The following PTPRD variants were observed in gnomAD, a reference collection of about 807,000 sequenced individuals.
PTPRD encodes protein tyrosine phosphatase receptor type D.
PTPRD carries 34 observed loss-of-function variants against 214.5 expected under a neutral mutation model. The observed-to-expected ratio is 0.16, with a 90% CI of 0.12 to 0.21. The LOEUF is 0.21. Ranked by LOEUF, PTPRD falls within the 10% of genes least tolerant of loss-of-function variation. The probability of loss-of-function intolerance (pLI) is 1.00; values close to 1 mark genes in which losing one functional copy is unlikely to be tolerated. For synonymous variants in PTPRD, 1,128 were observed against 845.7 expected (o/e 1.33, Z -5.79); for missense variants, 2,545 against 2,398.7 (o/e 1.06, Z -1.27).
At chr9:9,018,044 T>C (rs973098757) in intron 11 of PTPRD, among the ~76,000 whole-genome samples, 3 of 152,174 alleles carry the variant, frequency 2.0e-5, no homozygotes. Context: ...TTTATTTTTA[T>C]TTTTTGAAGA....
Position 10,052,150 on chromosome 9 carries a change from C to A in PTPRD, c.-544-18360G>T, listed in dbSNP as rs549374878. Among the ~76,000 whole-genome samples, 12 of 152,096 alleles carry A rather than the reference C, an allele frequency of 7.9e-5. No individual in the cohort carries two copies. In the East Asian group the frequency reaches 2.3e-3, roughly 29 times the overall value. ...GTAGTGACAGATTTTCACCATGTTT[C>A]CCAGGCTGATCACAAACTGTTATTA... is the stretch of plus-strand genomic sequence containing the variant. On this transcript the variant is annotated intron_variant, in intron 3 of 45. Coordinates refer to ENST00000381196, the MANE Select transcript of PTPRD (RefSeq NM_002839.4).
At chr9:10,139,607 G>C (rs887644513) in intron 3 of PTPRD, among the ~76,000 whole-genome samples, 2 of 151,842 alleles carry the variant, frequency 1.3e-5, no homozygotes, top group Middle Eastern at 3.2e-3. Context: ...CAAACGAAAT[G>C]AGCTGGAGAT....
chr9:9,711,767 A>G (rs2097736195), intron 7 of PTPRD, among the ~76,000 whole-genome samples: 2 of 152,190 alleles, frequency 1.3e-5, no homozygotes, highest in African/African-American at 4.8e-5. Flanking sequence ...ATGACCTTAA[A>G]TGTCAATAGT....
At chr9:9,567,685 T>A (rs993368360) in intron 8 of PTPRD, among the ~76,000 whole-genome samples, 4 of 152,158 alleles carry the variant, frequency 2.6e-5, no homozygotes, top group Admixed American at 2.6e-4. Context: ...TTTCTCCTTT[T>A]CTGCTTCTTA....
At chr9:10,231,336 GAA>G (rs75311795) in intron 3 of PTPRD, among the ~76,000 whole-genome samples, 1 of 146,518 alleles carries the variant, frequency 6.8e-6, no homozygotes, top group African/African-American at 2.5e-5. Context: ...AGAGAACAAA[GAA>G]AAAAAAAATG....
chr9:9,523,979 C>T (rs1049400984), intron 8 of PTPRD, among the ~76,000 whole-genome samples: 1 of 152,120 alleles, frequency 6.6e-6, no homozygotes, highest in African/African-American at 2.4e-5. Flanking sequence ...CATTGAATTC[C>T]CTCAGCCACA....
chr9:8,750,910 G>A (rs1350323335), intron 11 of PTPRD, among the ~76,000 whole-genome samples: 1 of 150,888 alleles, frequency 6.6e-6, no homozygotes, highest in Non-Finnish European at 1.5e-5. Context: ...GTGGCTGTGT[G>A]CCAATGGTCT....
chr9:10,542,711 A>T (rs1170139124), intron 2 of PTPRD, among the ~76,000 whole-genome samples: 1 of 151,642 alleles, frequency 6.6e-6, no homozygotes, highest in Non-Finnish European at 1.5e-5. Flanking sequence ...TCCTTTTTTT[A>T]ATTAACTAAT....
chr9:10,597,638 T>G (rs985793632), intron 2 of PTPRD, among the ~76,000 whole-genome samples: 2 of 151,790 alleles, frequency 1.3e-5, no homozygotes, highest in Non-Finnish European at 2.9e-5. Flanking sequence ...AACAGCAGGT[T>G]CTATAATGTA....
chr9:9,348,092 G>C (rs1189321757), intron 9 of PTPRD, among the ~76,000 whole-genome samples: 1 of 152,146 alleles, frequency 6.6e-6, no homozygotes, highest in African/African-American at 2.4e-5. Flanking sequence ...AGAGTTGATT[G>C]AATAGGTTGC....
At chr9:9,354,984 A>C (rs958007995) in intron 9 of PTPRD, among the ~76,000 whole-genome samples, 1 of 151,774 alleles carries the variant, frequency 6.6e-6, no homozygotes, top group Non-Finnish European at 1.5e-5. Flanking sequence ...AAATAAAGGG[A>C]AAGGTACCAG....
intron 8 of PTPRD, among the ~76,000 whole-genome samples, chr9:9,552,626 T>C (rs2080575621): frequency 1.3e-5 from 2 of 152,074 alleles, no homozygotes; most frequent in South Asian, 4.1e-4. Flanking sequence ...CTCTGAGATT[T>C]ATCTAGTGTT....
chr9:10,190,718 CA>C (rs57891244), intron 3 of PTPRD, among the ~76,000 whole-genome samples: 594 of 44,196 alleles, frequency 0.013, no homozygotes, highest in East Asian at 0.034. Flanking sequence ...AACTCTGTCT[CA>C]AAAAAAAAAA....
At position 8,351,549 on chromosome 9, in the gene PTPRD, A is replaced by G. The variant is rs537386429; in HGVS notation, c.4662-9571T>C. On this transcript the variant is annotated intron_variant, in intron 39 of 45. Coordinates refer to ENST00000381196, the MANE Select transcript of PTPRD (RefSeq NM_002839.4). The stretch of plus-strand genomic sequence containing the variant: ...GGCTCCAAAGACACAGAGAGAAAAG[A>G]TGGAACCTAATTAACTCTAGCTCAG... Among the ~76,000 whole-genome samples the G allele has an allele frequency of 5.3e-5, 8 of 152,072 alleles. No homozygotes were observed. The South Asian group carries it at 1.5e-3, about 28-fold the overall frequency.
At chr9:10,263,373 A>G (rs1027308282) in intron 3 of PTPRD, among the ~76,000 whole-genome samples, 1 of 152,130 alleles carries the variant, frequency 6.6e-6, no homozygotes, top group Non-Finnish European at 1.5e-5. Context: ...AATGTGGCGA[A>G]GTTTGGAATT....
intron 3 of PTPRD, among the ~76,000 whole-genome samples, chr9:10,118,762 A>T (rs1247922957): frequency 1.3e-5 from 2 of 151,618 alleles, no homozygotes; most frequent in East Asian, 3.9e-4. Context: ...ATTTTAATCC[A>T]ATCACAACTA....
At chr9:8,514,200 AC>A (rs1342482852) in intron 21 of PTPRD, among the ~76,000 whole-genome samples, 1 of 152,124 alleles carries the variant, frequency 6.6e-6, no homozygotes, top group Admixed American at 6.6e-5. Flanking sequence ...GTCTACTTCA[AC>A]ATTACTTCTA....
At chr9:9,157,019 G>C (rs1434249845) in intron 10 of PTPRD, among the ~76,000 whole-genome samples, 1 of 152,062 alleles carries the variant, frequency 6.6e-6, no homozygotes, top group Non-Finnish European at 1.5e-5. Flanking sequence ...TCAGTTTTTT[G>C]GACAAGAATA....
At chr9:9,631,652 T>C (rs1344027235) in intron 7 of PTPRD, among the ~76,000 whole-genome samples, 2 of 152,098 alleles carry the variant, frequency 1.3e-5, no homozygotes, top group African/African-American at 2.4e-5. Flanking sequence ...TCAGGTAACA[T>C]AGGGAAAGGA....
Sources: allele counts gnomAD v4.1 joint callset (sites outside exome capture counted in the v4.1 genomes callset), GRCh38; gene constraint gnomAD v4.1.1; transcripts MANE v1.5; gene names NCBI Gene and HGNC (gene_info 2026-07-23, HGNC 2026-07-21).